The following SEMA3A variants were observed in gnomAD, a reference collection of about 807,000 sequenced individuals.
The protein encoded by SEMA3A is semaphorin 3A, also known as semaphorin-3A.
In SEMA3A, 29 loss-of-function variants were observed where a neutral mutation model predicts 97.9. The observed-to-expected ratio is 0.30, with a 90% CI of 0.22 to 0.40. The LOEUF is 0.40. SEMA3A is among the 10% of genes least tolerant of loss of function. The pLI, the probability that SEMA3A is intolerant of heterozygous loss-of-function variation, is 1.00. For synonymous variants in SEMA3A, 321 were observed against 323.7 expected (o/e 0.99, Z 0.09); for missense variants, 763 against 951.3 (o/e 0.80, Z 2.60).
chr7:84,216,292 A>G (rs866175003), intron 3 of SEMA3A, among the ~76,000 whole-genome samples: 14 of 152,062 alleles, frequency 9.2e-5, no homozygotes, highest in African/African-American at 3.4e-4. Context: ...TTTTTAGTAG[A>G]GACGGGGTTT....
At chr7:84,119,006 A>G (rs1795519190) in intron 3 of SEMA3A, among the ~76,000 whole-genome samples, 1 of 152,182 alleles carries the variant, frequency 6.6e-6, no homozygotes, top group African/African-American at 2.4e-5. Context: ...AATTTGGCCT[A>G]TTTAAAAATA....
At chr7:84,245,395 T>G (rs1165984282) in intron 3 of SEMA3A, among the ~76,000 whole-genome samples, 1 of 152,046 alleles carries the variant, frequency 6.6e-6, no homozygotes, top group Non-Finnish European at 1.5e-5. Flanking sequence ...TATTGATACT[T>G]GTGTATGCTT....
At chr7:84,251,897 G>A (rs113990223) in intron 3 of SEMA3A, among the ~76,000 whole-genome samples, 2,634 of 142,232 alleles carry the variant, frequency 0.019, 78 homozygotes, top group African/African-American at 0.072. Context: ...GTGATTCAGC[G>A]TTCACAAAAT....
rs146482285 is a variant in SEMA3A, at chr7:84,186,732, C to A, written c.112+7743G>T. 4.8e-3 allele frequency among the ~76,000 whole-genome samples: 735 copies of A among 151,756 alleles called. 5 individuals carry two copies. Among genetic ancestry groups the A allele is most frequent in the African/African-American group, 0.017 (694 of 41,364 alleles). On this transcript the variant is annotated intron_variant, in intron 1 of 16. Coordinates refer to ENST00000265362, the MANE Select transcript of SEMA3A (RefSeq NM_006080.3). The stretch of plus-strand genomic sequence containing the variant: ...TTGTCCTTTCCTGGCAATATTTCTA[C>A]CATGTCACAATAACTACATATTTAA...
chr7:84,480,877 G>A (rs945111252), intron 1 of SEMA3A, among the ~76,000 whole-genome samples: 8 of 151,652 alleles, frequency 5.3e-5, no homozygotes, highest in African/African-American at 1.9e-4. Flanking sequence ...TGGGAAAGAG[G>A]GTAGCATACC....
intron 3 of SEMA3A, among the ~76,000 whole-genome samples, chr7:84,223,987 C>T (rs570990787): frequency 6.6e-6 from 1 of 151,782 alleles, no homozygotes; most frequent in Non-Finnish European, 1.5e-5. Context: ...CAAGGAATTT[C>T]TTTAAAAAGC....
In SEMA3A at chr7:84,027,168, T is replaced by A. The variant is rs1025201646; in HGVS notation, c.668-12817A>T. Reference sequence around the variant, plus strand: ...TTTTCATTGACTAAGCAAATTCAGATGCCTTTAAAAGACATGCAATGTCTC... The same window carrying A: ...TTTTCATTGACTAAGCAAATTCAGAAGCCTTTAAAAGACATGCAATGTCTC... On this transcript the variant is annotated intron_variant, in intron 6 of 16. Transcript: ENST00000265362. Among the ~76,000 whole-genome samples, 22 of 152,300 alleles carry A rather than the reference T, an allele frequency of 1.4e-4. No individual in the cohort carries two copies. The East Asian group carries it at 3.9e-3, about 27-fold the overall frequency.
intron 4 of SEMA3A, among the ~76,000 whole-genome samples, chr7:84,078,068 C>T (rs933743907): frequency 1.3e-5 from 2 of 151,946 alleles, no homozygotes; most frequent in Admixed American, 1.3e-4. Context: ...GAAGAAAATG[C>T]ATTAAAATAT....
At chr7:84,421,100 T>C (rs1006328336) in intron 1 of SEMA3A, among the ~76,000 whole-genome samples, 1 of 152,082 alleles carries the variant, frequency 6.6e-6, no homozygotes, top group Admixed American at 6.6e-5. Flanking sequence ...TTTAGATCTT[T>C]CTAAAACCGA....
intron 12 of SEMA3A, among the ~76,000 whole-genome samples, chr7:83,999,112 T>G (rs1282062131): frequency 6.6e-6 from 1 of 152,076 alleles, no homozygotes; most frequent in Non-Finnish European, 1.5e-5. Context: ...TGTTAGGCAA[T>G]AGGAAATTTT....
chr7:84,256,484 A>G (rs1286974278), intron 3 of SEMA3A, among the ~76,000 whole-genome samples: 1 of 152,250 alleles, frequency 6.6e-6, no homozygotes, highest in East Asian at 1.9e-4. Context: ...CAAATAAGGA[A>G]AACAAAAGCC....
rs1790982605 is a variant in SEMA3A, at chr7:84,013,763, C to G, written c.810+446G>C. ...TTGGGAGGCTGAAGCGGGAGAATCA[C>G]TTGAACCAGGGAGGCGGAGTTTGCA... is the stretch of plus-strand genomic sequence containing the variant. On this transcript the variant is annotated intron_variant, in intron 7 of 16. Transcript: ENST00000265362. Among the ~76,000 whole-genome samples, 3 of 152,168 alleles carry G rather than the reference C, an allele frequency of 2.0e-5. No homozygotes were observed. The South Asian group carries it at 6.2e-4, about 32-fold the overall frequency.
chr7:83,980,629 T>TAG (rs1789371305), intron 14 of SEMA3A, among the ~76,000 whole-genome samples: 1 of 81,848 alleles, frequency 1.2e-5, no homozygotes, highest in Non-Finnish European at 2.6e-5. Flanking sequence ...AAAAAATATA[T>TAG]ATATATATAT....
chr7:84,441,355 A>G (rs952271609), intron 1 of SEMA3A, among the ~76,000 whole-genome samples: 3 of 151,946 alleles, frequency 2.0e-5, no homozygotes, highest in East Asian at 3.9e-4. Context: ...TAGAAACTGT[A>G]AAACAAAACC....
intron 3 of SEMA3A, among the ~76,000 whole-genome samples, chr7:84,128,608 T>C (rs1357493893): frequency 6.6e-6 from 1 of 152,170 alleles, no homozygotes; most frequent in Non-Finnish European, 1.5e-5. Context: ...TGTTCCAAAA[T>C]TGAATACTAT....
rs746887710 is a variant in SEMA3A, at chr7:83,963,227, C to T, written c.1838G>A (p.Arg613Gln). 2.2e-5 allele frequency: 35 copies of T among 1,613,220 alleles called. No homozygotes were observed. The highest frequency in any genetic ancestry group is 3.3e-5 in the South Asian group (3 of 91,080). Reference sequence around the variant, plus strand: ...TACCTCTTCTTTTCGCTCTTCATTTCGCCTCTGGAATTGCCAATAGACCAG... The same window carrying T: ...TACCTCTTCTTTTCGCTCTTCATTTTGCCTCTGGAATTGCCAATAGACCAG... ...RALVYWQFQR[R>Q]NEERKEEIRV... Residue 613 changes from arginine (R) to glutamine (Q), a missense_variant, in exon 16 of 17, where the codon CGA becomes CAA. Physicochemically the swap from Arg to Gln is conservative, Grantham distance 43 (BLOSUM62 1). Coordinates refer to ENST00000265362, the MANE Select transcript of SEMA3A (RefSeq NM_006080.3).
intron 3 of SEMA3A, among the ~76,000 whole-genome samples, chr7:84,250,521 C>T (rs578067373): frequency 6.4e-4 from 97 of 152,218 alleles, no homozygotes; most frequent in African/African-American, 2.1e-3. Flanking sequence ...TGAGCAGTTT[C>T]TCTGTCTACA....
intron 12 of SEMA3A, among the ~76,000 whole-genome samples, chr7:83,989,154 C>A (rs1028331135): frequency 6.6e-6 from 1 of 151,928 alleles, no homozygotes; most frequent in African/African-American, 2.4e-5. Flanking sequence ...ATAAAGTTTA[C>A]AATCGAAATT....
At position 84,407,781 on chromosome 7, in the gene SEMA3A, C is replaced by T. The variant is rs150377718; in HGVS notation, c.-245-35881G>A. On this transcript the variant is annotated intron_variant, in intron 1 of 3. Transcript: ENST00000424555. ...TGATCTTTGACAAACCTGACAAAAA[C>T]GAGCAATGGGGAAGGGATTCCCTAT... is the stretch of plus-strand genomic sequence containing the variant. Among the ~76,000 whole-genome samples, 1,163 of 152,164 alleles carry T rather than the reference C, an allele frequency of 7.6e-3. 10 individuals are homozygous for T. Among genetic ancestry groups the T allele is most frequent in the Non-Finnish European group, 0.012 (808 of 68,006 alleles).
Sources: gnomAD v4.1 joint callset for allele counts (sites outside exome capture counted in the v4.1 genomes callset) on GRCh38, gnomAD v4.1.1 for gene constraint, MANE v1.5 for transcripts, NCBI Gene and HGNC (gene_info 2026-07-23, HGNC 2026-07-21) for gene names.